The following ABHD17C variants were observed in gnomAD, a reference collection of about 807,000 sequenced individuals.
The protein encoded by ABHD17C is abhydrolase domain containing 17C, depalmitoylase.
In ABHD17C, 11 loss-of-function variants were observed where a neutral mutation model predicts 27.9. The observed-to-expected ratio is 0.39, with a 90% CI of 0.25 to 0.65. The LOEUF (loss-of-function observed/expected upper bound fraction) is 0.65, where lower values mean the gene tolerates loss of function less well. Among genes scored for constraint, ABHD17C ranks in the 30% least tolerant of loss-of-function variants. ABHD17C has a pLI of 0.45. For synonymous variants in ABHD17C, 233 were observed against 209.1 expected, an observed-to-expected ratio of 1.11 and a Z score of -0.98; for missense variants, 280 against 470.2, an observed-to-expected ratio of 0.60 and a Z score of 3.74.
At chr15:80,724,543 A>T (rs1025874528) in intron 1 of ABHD17C, among the ~76,000 whole-genome samples, 1 of 135,026 alleles carries the variant, frequency 7.4e-6, no homozygotes, top group Non-Finnish European at 1.6e-5. Context: ...TGTATAAAAT[A>T]TTAAAAGGGA....
intron 1 of ABHD17C, among the ~76,000 whole-genome samples, chr15:80,742,530 G>C (rs946958492): frequency 1.3e-5 from 2 of 152,184 alleles, no homozygotes; most frequent in African/African-American, 4.8e-5. Context: ...TCTTTACCCA[G>C]TCTACTGATT....
chr15:80,736,348 T>G (rs1267757120), intron 1 of ABHD17C, among the ~76,000 whole-genome samples: 1 of 152,208 alleles, frequency 6.6e-6, no homozygotes, highest in Non-Finnish European at 1.5e-5. Context: ...TTGATGCTTT[T>G]TTCCTCCTCT....
intron 1 of ABHD17C, 107 bp from the exon 2 acceptor site, chr15:80,749,406 A>T: frequency 8.6e-7 from 1 of 1,158,078 alleles, no homozygotes. Flanking sequence ...ATATGGTTTT[A>T]AGCTGGTGGA....
chr15:80,749,633 T>C lies in ABHD17C; in HGVS notation c.711T>C (p.Ser237=), dbSNP rs1036365311. Residue 237 remains serine, a synonymous_variant, in exon 2 of 3, where the codon TCT becomes TCC. Coordinates refer to ENST00000258884, the MANE Select transcript of ABHD17C (RefSeq NM_021214.2). The stretch of plus-strand genomic sequence containing the variant: ...TAATTCTCCATTCCCCTCTGATGTC[T>C]GGTTTGCGTGTGGCTTTTCCGGATA... ...AAVILHSPLM[S]GLRVAFPDTR... 2 of 1,613,874 alleles carry C rather than the reference T, an allele frequency of 1.2e-6. No individual in the cohort carries two copies. Among genetic ancestry groups the C allele is most frequent in the African/African-American group, 2.7e-5 (2 of 74,946 alleles).
At chr15:80,703,334 G>C (rs1001238905) in intron 1 of ABHD17C, 3 of 152,276 alleles carry the variant, frequency 2.0e-5, no homozygotes, top group African/African-American at 7.2e-5. Context: ...ACATCAGTTT[G>C]AGAGGGCACA....
At position 80,712,549 on chromosome 15, in the gene ABHD17C, G is replaced by A. The variant is rs151068433; in HGVS notation, c.590+16530G>A. The stretch of plus-strand genomic sequence containing the variant: ...CTTAAGAGCAGCCTCACCTGTCTAT[G>A]GGTGAGGTCCAAGAAGTGTAACAGA... On this transcript the variant is annotated intron_variant, in intron 1 of 2. Transcript: ENST00000258884. Among the ~76,000 whole-genome samples, 353 of 152,332 alleles carry A rather than the reference G, an allele frequency of 2.3e-3. 1 individual carries two copies. The highest frequency in any genetic ancestry group is 7.0e-3 in the African/African-American group (291 of 41,574).
At chr15:80,714,326 C>G (rs1305032346) in intron 1 of ABHD17C, among the ~76,000 whole-genome samples, 2 of 152,226 alleles carry the variant, frequency 1.3e-5, no homozygotes, top group Non-Finnish European at 2.9e-5. Context: ...CCTTGAACGT[C>G]TGTTTTATGC....
intron 1 of ABHD17C, among the ~76,000 whole-genome samples, chr15:80,718,522 C>T (rs1283884741): frequency 3.9e-5 from 6 of 151,916 alleles, no homozygotes; most frequent in East Asian, 3.9e-4. Flanking sequence ...TTAGTAGAGA[C>T]GAGGTTTCAC....
chr15:80,714,348 C>G (rs1003001463), intron 1 of ABHD17C, among the ~76,000 whole-genome samples: 5 of 152,204 alleles, frequency 3.3e-5, no homozygotes, highest in African/African-American at 1.2e-4. Context: ...AAACACATTT[C>G]ACACATTACA....
chr15:80,716,622 C>G (rs1373421248), intron 1 of ABHD17C, among the ~76,000 whole-genome samples: 1 of 152,048 alleles, frequency 6.6e-6, no homozygotes, highest in African/African-American at 2.4e-5. Flanking sequence ...GTTGTCATTC[C>G]ACTTTACATC....
chr15:80,731,170 G>T (rs996906104), intron 1 of ABHD17C, among the ~76,000 whole-genome samples: 2 of 152,166 alleles, frequency 1.3e-5, no homozygotes, highest in African/African-American at 2.4e-5. Flanking sequence ...ACGGGTGGGG[G>T]TGATATTTTA....
chr15:80,730,024 C>T (rs530793381), intron 1 of ABHD17C, among the ~76,000 whole-genome samples: 2 of 152,002 alleles, frequency 1.3e-5, no homozygotes, highest in Admixed American at 6.6e-5. Flanking sequence ...GAGGCTGAGA[C>T]AGGAGAACCA....
chr15:80,706,182 C>T (rs1894646208), intron 1 of ABHD17C, among the ~76,000 whole-genome samples: 1 of 152,194 alleles, frequency 6.6e-6, no homozygotes, highest in South Asian at 2.1e-4. Context: ...TCCCATAATG[C>T]CTTGTACCTC....
At chr15:80,715,225 C>A (rs761744785) in intron 1 of ABHD17C, among the ~76,000 whole-genome samples, 9 of 152,228 alleles carry the variant, frequency 5.9e-5, no homozygotes, top group Non-Finnish European at 1.0e-4. Flanking sequence ...GAAAGAATTG[C>A]AATGGCCATT....
chr15:80,751,078 G>A (rs1895358844), intron 2 of ABHD17C, among the ~76,000 whole-genome samples: 1 of 152,000 alleles, frequency 6.6e-6, no homozygotes, highest in South Asian at 2.1e-4. Flanking sequence ...AGCTGGGCGT[G>A]ATTGCTCACG....
intron 2 of ABHD17C, 39 bp from the exon 3 acceptor site, chr15:80,754,112 T>TG: frequency 6.8e-7 from 1 of 1,472,072 alleles, no homozygotes; most frequent in East Asian, 2.3e-5. Context: ...GCATAACTAA[T>TG]GGAGTCCTCT....
At chr15:80,738,555 TG>T (rs1341404756) in intron 1 of ABHD17C, among the ~76,000 whole-genome samples, 5 of 152,080 alleles carry the variant, frequency 3.3e-5, no homozygotes, top group African/African-American at 1.2e-4. Flanking sequence ...AGAGAAACAA[TG>T]GGTCTGTAAA....
intron 1 of ABHD17C, among the ~76,000 whole-genome samples, chr15:80,696,847 G>T (rs532303692): frequency 6.6e-6 from 1 of 152,308 alleles, no homozygotes; most frequent in Admixed American, 6.5e-5. Flanking sequence ...TTCACTATTA[G>T]ACAAAAGTCT....
chr15:80,706,068 T>C (rs1894644296), intron 1 of ABHD17C, among the ~76,000 whole-genome samples: 1 of 152,228 alleles, frequency 6.6e-6, no homozygotes, highest in Non-Finnish European at 1.5e-5. Flanking sequence ...CAAGATGTTC[T>C]GGTTGCTCTT....
Sources: allele counts gnomAD v4.1 joint callset (sites outside exome capture counted in the v4.1 genomes callset), GRCh38; gene constraint gnomAD v4.1.1; transcripts MANE v1.5; gene names NCBI Gene and HGNC (gene_info 2026-07-23, HGNC 2026-07-21).